SPATA3: variants seen among roughly 807,000 people sequenced by gnomAD.
SPATA3 encodes the protein spermatogenesis-associated protein 3.
Under a neutral mutation model 5.7 loss-of-function variants are expected in SPATA3, and 6 were observed. The ratio of observed to expected loss-of-function variants is 1.06; its 90% CI spans 0.58 to 2.09. SPATA3 has a LOEUF of 2.09. Ranked by LOEUF, SPATA3 falls within the 30% of genes most tolerant of loss-of-function variation. The pLI is 0.00. For missense variants in SPATA3, 155 were observed against 130.4 expected (o/e 1.19, Z -0.92); for synonymous variants, 44 against 48.4 (o/e 0.91, Z 0.37).
exon 6 of SPATA3, chr2:231,013,901 T>G (rs1321600125): frequency 6.7e-6 from 1 of 150,140 alleles, no homozygotes; most frequent in Non-Finnish European, 1.5e-5. Flanking sequence ...CAGGTTGGAG[T>G]GCAGCAGGGG....
intron 1 of SPATA3, among the ~76,000 whole-genome samples, chr2:230,998,863 A>G (rs985670280): frequency 6.6e-6 from 1 of 152,224 alleles, no homozygotes; most frequent in Non-Finnish European, 1.5e-5. Flanking sequence ...CAGCAATTCC[A>G]CTTCTCAGTA....
downstream of SPATA3, among the ~76,000 whole-genome samples, chr2:231,006,201 G>A (rs1393018943): frequency 4.2e-3 from 439 of 103,706 alleles, 1 homozygote; most frequent in Non-Finnish European, 4.4e-3. Flanking sequence ...CCTGTCTCAA[G>A]AAAAAAAAAA....
At chr2:231,016,812 C>G (rs1335376788) in intron 6 of SPATA3, among the ~76,000 whole-genome samples, 1 of 152,186 alleles carries the variant, frequency 6.6e-6, no homozygotes, top group African/African-American at 2.4e-5. Flanking sequence ...GCCCTCTCCT[C>G]TCTCCTCTCA....
At chr2:231,003,264 C>T (rs1168719329), downstream of SPATA3, among the ~76,000 whole-genome samples, 1 of 152,220 alleles carries the variant, frequency 6.6e-6, no homozygotes, top group Non-Finnish European at 1.5e-5. Context: ...CTGTCCTCTC[C>T]ACCTGTGCCT....
At chr2:231,009,831 G>A (rs1692737560), downstream of SPATA3, among the ~76,000 whole-genome samples, 1 of 152,218 alleles carries the variant, frequency 6.6e-6, no homozygotes, top group African/African-American at 2.4e-5. Context: ...GTCACCCTCG[G>A]GAGCACTTTG....
At chr2:231,008,018 A>C (rs1379344743), downstream of SPATA3, among the ~76,000 whole-genome samples, 1 of 152,192 alleles carries the variant, frequency 6.6e-6, no homozygotes, top group Non-Finnish European at 1.5e-5. Flanking sequence ...TCAAAAAATA[A>C]AAATAAAAAA....
chr2:231,009,436 G>A (rs74654991), downstream of SPATA3, among the ~76,000 whole-genome samples: 92 of 152,332 alleles, frequency 6.0e-4, no homozygotes, highest in African/African-American at 2.1e-3. Context: ...GGCGCTGCTG[G>A]TTGTCACAGT....
chr2:231,008,818 G>A (rs541664488), downstream of SPATA3, among the ~76,000 whole-genome samples: 1 of 152,312 alleles, frequency 6.6e-6, no homozygotes, highest in East Asian at 1.9e-4. Context: ...AGAGAGTTCT[G>A]GTTCAGATGT....
chr2:231,002,817 C>T (rs997331501), downstream of SPATA3: 2 of 1,380,136 alleles, frequency 1.4e-6, no homozygotes, highest in South Asian at 1.6e-5. Context: ...CCTAGGCCCA[C>T]AGTCTGGCAG....
exon 6 of SPATA3, chr2:231,014,127 C>T (rs1159151937): frequency 6.6e-6 from 1 of 152,136 alleles, no homozygotes; most frequent in African/African-American, 2.4e-5. Flanking sequence ...GTTAATGATG[C>T]TAACTAGAGA....
intron 1 of SPATA3, among the ~76,000 whole-genome samples, chr2:231,000,024 T>A (rs1692283796): frequency 6.6e-6 from 1 of 152,228 alleles, no homozygotes; most frequent in Non-Finnish European, 1.5e-5. Flanking sequence ...CAAAGCATCC[T>A]GAAGGTGTAA....
rs1692301609 is a variant in SPATA3 at position 231,000,374 on chromosome 2, ATTCGCGCCGGCCCGCATTC to A, written c.800_818del (p.Ile267ThrfsTer?). 6.6e-7 allele frequency: 1 copy of A among 1,506,892 alleles called. No individual in the cohort carries two copies. The highest frequency in any genetic ancestry group is 2.1e-5 in the Admixed American group (1 of 47,064). The allele number at this position is 1,506,892 out of a possible 1,614,324, so 93.3% of individuals were successfully genotyped here. On this transcript the variant is annotated frameshift_variant, in exon 2 of 3. Transcript: ENST00000645363. LOFTEE classifies it high-confidence loss of function. ...TCCTTCTGTCCCCACAGGGCCTCTG[ATTCGCGCCGGCCCGCATTC>A]CTGCTCCTGTGCCACTTGCCCCTGC...
At chr2:231,001,419 TCCTCTTCCCAG>T (rs1692349091) in intron 2 of SPATA3, among the ~76,000 whole-genome samples, 1 of 152,080 alleles carries the variant, frequency 6.6e-6, no homozygotes. Flanking sequence ...CTTGTCCTGT[TCCTCTTCCCAG>T]CCTCTTCCCT....
intron 1 of SPATA3, chr2:230,996,459 G>A (rs201863323): frequency 1.5e-5 from 23 of 1,552,116 alleles, no homozygotes; most frequent in Middle Eastern, 1.7e-4. Flanking sequence ...TCCAGCACCC[G>A]AAATCCGCCG....
intron 6 of SPATA3, among the ~76,000 whole-genome samples, chr2:231,019,019 C>A (rs1313182804): frequency 3.8e-5 from 5 of 132,206 alleles, no homozygotes; most frequent in Non-Finnish European, 7.8e-5. Flanking sequence ...CAGGCTGGAG[C>A]GCAGTGGCAC....
chr2:231,013,136 T>A (rs1033955991), intron 5 of SPATA3, among the ~76,000 whole-genome samples: 2 of 152,150 alleles, frequency 1.3e-5, no homozygotes, highest in Non-Finnish European at 2.9e-5. Context: ...TTCTCCTCCC[T>A]GCTTCACCAG....
At position 231,002,612 on chromosome 2, in the gene SPATA3, C is replaced by T. The variant is rs551820862; in HGVS notation, c.963-72C>T. ...AATCCTGAGGGGGCCACATAATTTC[C>T]ACTTTCTCCTGTTCGTAGAGAGGCA... On this transcript the variant is annotated intron_variant, in intron 2 of 2. Coordinates refer to ENST00000645363, the Ensembl canonical transcript of SPATA3. 3.2e-6 allele frequency: 3 copies of T among 931,686 alleles called. No homozygotes were observed. The African/African-American group carries it at 5.2e-5, about 16-fold the overall frequency. The allele number at this position is 931,686 out of a possible 1,614,324, so 57.7% of individuals were successfully genotyped here.
At chr2:231,002,839 G>T (rs559869503), downstream of SPATA3, 1 of 1,218,040 alleles carries the variant, frequency 8.2e-7, no homozygotes, top group Admixed American at 3.3e-5. Context: ...TATGTTGAGC[G>T]CTCTGTCCCT....
chr2:231,007,565 G>A (rs921106200), downstream of SPATA3, among the ~76,000 whole-genome samples: 1 of 152,238 alleles, frequency 6.6e-6, no homozygotes, highest in Admixed American at 6.5e-5. Context: ...CTCTGTCCCA[G>A]GGTAATCCCA....
Sources: gnomAD v4.1 joint callset for allele counts (sites outside exome capture counted in the v4.1 genomes callset) on GRCh38, gnomAD v4.1.1 for gene constraint, MANE v1.5 for transcripts, NCBI Gene and HGNC (gene_info 2026-07-23, HGNC 2026-07-21) for gene names.